Variants in RAD51AP2 observed in about 807,000 individuals in gnomAD.
RAD51AP2 encodes the protein RAD51 associated protein 2.
In RAD51AP2, 67 loss-of-function variants were observed where a neutral mutation model predicts 85.5. That is an observed-to-expected ratio of 0.78 (90% CI 0.64 to 0.96). The LOEUF is 0.96. Ranked by LOEUF, RAD51AP2 falls within the 40% of genes least tolerant of loss-of-function variation. The pLI, the probability that RAD51AP2 is intolerant of heterozygous loss-of-function variation, is 0.00. For missense variants in RAD51AP2, 1,307 were observed against 1,332.4 expected, an observed-to-expected ratio of 0.98 and a Z score of 0.30; for synonymous variants, 474 against 446.5, an observed-to-expected ratio of 1.06 and a Z score of -0.78.
At chr2:17,512,015 T>G (rs906577765) in intron 2 of RAD51AP2, among the ~76,000 whole-genome samples, 14 of 152,142 alleles carry the variant, frequency 9.2e-5, no homozygotes, top group Non-Finnish European at 7.4e-5. Context: ...CCTCCTCCAT[T>G]GGTCTAAATG....
the RAD51AP2 span, among the ~76,000 whole-genome samples, chr2:17,523,516 C>T: frequency 6.6e-6 from 1 of 151,870 alleles, no homozygotes; most frequent in Admixed American, 6.6e-5. Flanking sequence ...ATTATTCATA[C>T]TATCTAAGTC....
At chr2:17,536,294 G>A in the RAD51AP2 span, among the ~76,000 whole-genome samples, 6 of 152,222 alleles carry the variant, frequency 3.9e-5, no homozygotes, top group Non-Finnish European at 1.5e-5. Context: ...CTGCAATGGC[G>A]ATTCACACAA....
At chr2:17,527,195 C>A in the RAD51AP2 span, among the ~76,000 whole-genome samples, 2 of 151,946 alleles carry the variant, frequency 1.3e-5, no homozygotes, top group African/African-American at 4.8e-5. Flanking sequence ...TTATGTTGTA[C>A]ATTTATGAAT....
the RAD51AP2 span, among the ~76,000 whole-genome samples, chr2:17,529,848 G>C: frequency 6.6e-6 from 1 of 152,202 alleles, no homozygotes; most frequent in Non-Finnish European, 1.5e-5. Flanking sequence ...GAATTCCATT[G>C]TACAATTCGT....
At chr2:17,511,047 G>A (rs1662480044) in intron 2 of RAD51AP2, 92 bp from the exon 3 acceptor site, 1 of 725,456 alleles carries the variant, frequency 1.4e-6, no homozygotes, top group South Asian at 3.3e-5. Context: ...AACTTTTACT[G>A]AATATTTACT....
chr2:17,516,854 GA>G lies in RAD51AP2; in HGVS notation c.1561del (p.Ser521GlnfsTer10). On this transcript the variant is annotated frameshift_variant, in exon 1 of 3. Transcript: ENST00000399080. LOFTEE classifies it high-confidence loss of function. ...AATACTATTATCTTTTTTATTTCCT[GA>G]AATACTTTTATGGAAATAAAAAATT... is the stretch of plus-strand genomic sequence containing the variant. ...IEIFYFHKSI[S>X]GNKKDNSILT... 6.5e-7 allele frequency: 1 copy of G among 1,548,044 alleles called. No individual in the cohort carries two copies. Among genetic ancestry groups the G allele is most frequent in the Non-Finnish European group, 8.7e-7 (1 of 1,148,330 alleles).
In RAD51AP2 at chr2:17,510,941, G is replaced by A. The variant is rs770231613; in HGVS notation, c.3343C>T (p.His1115Tyr). ...AGCGGTCGTACTCTTGAAATGCCAT[G>A]TGGAAAGTGACTACCTAAAAATATA... ...YLLRGGSHFP[H>Y]GISRVRPLKT... The change falls in exon 3 of 3, where the codon CAT becomes TAT. Residue 1115 changes from histidine (H) to tyrosine (Y), a missense_variant. By Grantham distance (83) the His-to-Tyr change is moderately conservative. Coordinates refer to ENST00000399080, the MANE Select transcript of RAD51AP2 (RefSeq NM_001099218.3). The A allele has an allele frequency of 6.3e-7, 1 of 1,590,806 alleles. No individual in the cohort carries two copies. The highest frequency in any genetic ancestry group is 1.2e-5 in the South Asian group (1 of 84,920).
At chr2:17,518,511 C>T (rs1662776455), upstream of RAD51AP2, 5 of 1,459,192 alleles carry the variant, frequency 3.4e-6, no homozygotes, top group Admixed American at 1.1e-4. Flanking sequence ...TGACCCGCCC[C>T]TCAAGACCTG....
the RAD51AP2 span, among the ~76,000 whole-genome samples, chr2:17,523,506 A>G: frequency 1.8e-4 from 27 of 151,930 alleles, 3 homozygotes; most frequent in Admixed American, 1.8e-3. Context: ...AGTAATTTAT[A>G]TTATTCATAC....
Position 17,518,436 on chromosome 2 carries a change from T to C in RAD51AP2, c.-21A>G. The C allele has an allele frequency of 1.3e-6, 2 of 1,599,544 alleles. No individual in the cohort carries two copies. Among genetic ancestry groups the C allele is most frequent in the Non-Finnish European group, 1.7e-6 (2 of 1,174,520 alleles). On this transcript the variant is annotated 5_prime_UTR_variant, in exon 1 of 3. Transcript: ENST00000399080. The stretch of plus-strand genomic sequence containing the variant: ...GACATGACAGCGAATGGAAAGGATC[T>C]GTCCGAGTCCCGGCGGGGCTCCAAT...
the RAD51AP2 span, among the ~76,000 whole-genome samples, chr2:17,527,938 C>T: frequency 3.3e-5 from 5 of 152,308 alleles, no homozygotes; most frequent in East Asian, 9.6e-4. Context: ...AACATCAGAA[C>T]TGCATTCTCC....
In RAD51AP2 at chr2:17,517,719, T is replaced by G; in HGVS notation, c.697A>C (p.Lys233Gln). 1 of 1,613,652 alleles carries G rather than the reference T, an allele frequency of 6.2e-7. No homozygotes were observed. Among genetic ancestry groups the G allele is most frequent in the Non-Finnish European group, 8.5e-7 (1 of 1,179,918 alleles). Residue 233 changes from lysine to glutamine, a missense_variant, in exon 1 of 3, where the codon AAA (lysine) becomes CAA (glutamine). Transcript: ENST00000399080. ...GGCTGGTTTTGAGATTTTGATATTTTTAGTACAGATGATGAAATGTTATTT... is the reference window on the plus strand; with the variant it reads ...GGCTGGTTTTGAGATTTTGATATTTGTAGTACAGATGATGAAATGTTATTT... Reference protein sequence around the residue: ...RENNISSSVLKISKSQNQPSL... With the variant: ...RENNISSSVLQISKSQNQPSL...
rs1356695174 is a variant in RAD51AP2 at position 17,518,304 on chromosome 2, G to C, written c.112C>G (p.Leu38Val). ...SQPPSSKRLC[L>V]EEPGGVFKAG... ...TTAAAGACACCTCCAGGCTCCTCAAGACAGAGCCGCTTGCTACTAGGTGGT... is the reference window on the plus strand; with the variant it reads ...TTAAAGACACCTCCAGGCTCCTCAACACAGAGCCGCTTGCTACTAGGTGGT... The change falls in exon 1 of 3, where the codon CTT becomes GTT. Residue 38 changes from leucine (L) to valine (V), a missense_variant. Leu to Val is a conservative substitution (Grantham distance 32). Around this residue, in one of 3 missense-constraint regions of RAD51AP2, gnomAD observed 635 missense variants for 643.6 expected, o/e 0.99. Transcript: ENST00000399080. The C allele has an allele frequency of 4.3e-6, 7 of 1,614,064 alleles. No individual in the cohort carries two copies. The East Asian group carries it at 1.1e-4, about 26-fold the overall frequency.
chr2:17,512,985 G>T (rs1181625374), intron 2 of RAD51AP2, among the ~76,000 whole-genome samples: 1 of 152,142 alleles, frequency 6.6e-6, no homozygotes, highest in African/African-American at 2.4e-5. Context: ...CATGATGCAT[G>T]ACTTAAGATG....
upstream of RAD51AP2, among the ~76,000 whole-genome samples, chr2:17,520,302 T>C (rs1031105286): frequency 4.6e-5 from 7 of 152,048 alleles, no homozygotes; most frequent in Non-Finnish European, 8.8e-5. Context: ...TTTATGTGGG[T>C]TTTTTCCTTT....
chr2:17,529,822 T>C, the RAD51AP2 span, among the ~76,000 whole-genome samples: 15 of 152,246 alleles, frequency 9.9e-5, no homozygotes, highest in African/African-American at 3.4e-4. Flanking sequence ...CACATTGTAA[T>C]CTGAATCTTC....
At chr2:17,522,986 A>G (rs1327947662), upstream of RAD51AP2, among the ~76,000 whole-genome samples, 1 of 151,948 alleles carries the variant, frequency 6.6e-6, no homozygotes, top group East Asian at 1.9e-4. Context: ...GAAATATTGA[A>G]TAGTAGTTGG....
chr2:17,514,096 A>G lies in RAD51AP2; in HGVS notation c.3248-4T>C. 6.6e-7 allele frequency: 1 copy of G among 1,524,720 alleles called. No homozygotes were observed. The highest frequency in any genetic ancestry group is 9.1e-7 in the Non-Finnish European group (1 of 1,103,142). The allele number at this position is 1,524,720 out of a possible 1,614,324, so 94.4% of individuals were successfully genotyped here. ...TTAGGTAAAGGTGTTTCACAATCTG[A>G]AAATAAAGAGTGATATGTTACAGCA... On this transcript the variant is annotated splice_region_variant and splice_polypyrimidine_tract_variant and intron_variant, in intron 1 of 2. Coordinates refer to ENST00000399080, the MANE Select transcript of RAD51AP2 (RefSeq NM_001099218.3).
At position 17,515,746 on chromosome 2, in the gene RAD51AP2, A is replaced by T. The variant is rs1476388498; in HGVS notation, c.2670T>A (p.Tyr890Ter). 1 of 1,597,222 alleles carries T rather than the reference A, an allele frequency of 6.3e-7. No individual in the cohort carries two copies. Among genetic ancestry groups the T allele is most frequent in the Admixed American group, 1.7e-5 (1 of 57,566 alleles). ...TATTTGTTACATAATTTTGATTAAC[A>T]TATTTATTTTCTTCCACATTTACTT... Reference protein sequence around the residue: ...SKEVNVEENKYVNQNYVTNTN... With the variant: ...SKEVNVEENK Residue 890 changes from tyrosine to a stop codon, truncating the protein, a stop_gained, in exon 1 of 3, where the codon TAT becomes TAA. Transcript: ENST00000399080. LOFTEE classifies it high-confidence loss of function.
Sources: allele counts gnomAD v4.1 joint callset (sites outside exome capture counted in the v4.1 genomes callset), GRCh38; gene constraint gnomAD v4.1.1; regional missense constraint gnomAD v4.1.1; transcripts MANE v1.5; gene names NCBI Gene and HGNC (gene_info 2026-07-23, HGNC 2026-07-21).